The following DPY19L1 variants were observed in gnomAD, a reference collection of about 807,000 sequenced individuals.
The protein encoded by DPY19L1 is dpy-19 like C-mannosyltransferase 1.
In DPY19L1, 35 loss-of-function variants were observed where a neutral mutation model predicts 96.9. That is an observed-to-expected ratio of 0.36 (90% CI 0.28 to 0.48). The LOEUF is 0.48. Ranked by LOEUF, DPY19L1 falls within the 20% of genes least tolerant of loss-of-function variation. The pLI, the probability that DPY19L1 is intolerant of heterozygous loss-of-function variation, is 0.99. For synonymous variants in DPY19L1, 205 were observed against 252.6 expected (o/e 0.81, Z 1.79); for missense variants, 521 against 777.9 (o/e 0.67, Z 3.93).
At position 34,938,086 on chromosome 7, in the gene DPY19L1, A is replaced by C; in HGVS notation, c.1998T>G (p.Ser666Arg). The C allele has an allele frequency of 6.2e-7, 1 of 1,613,894 alleles. No individual in the cohort carries two copies. The highest frequency in any genetic ancestry group is 8.5e-7 in the Non-Finnish European group (1 of 1,179,966). The change falls in exon 21 of 22, where the codon AGT (serine) becomes AGG (arginine). Residue 666 changes from serine to arginine, a missense_variant. Transcript: ENST00000638088. Reference protein sequence around the residue: ...ARTKIVYSMYSRKAAEEVKRE... With the variant: ...ARTKIVYSMYRRKAAEEVKRE... ...GCTTCACTTCTTCGGCTGCTTTCCGACTATACATTGAGTATACTATTTTTG... is the reference window on the plus strand; with the variant it reads ...GCTTCACTTCTTCGGCTGCTTTCCGCCTATACATTGAGTATACTATTTTTG...
chr7:35,027,660 G>A (rs1169783489), intron 1 of DPY19L1, among the ~76,000 whole-genome samples: 3 of 53,098 alleles, frequency 5.6e-5, no homozygotes, highest in East Asian at 4.3e-4. Flanking sequence ...GCAAAACCCC[G>A]TCTCTACTAA....
intron 6 of DPY19L1, among the ~76,000 whole-genome samples, chr7:35,007,051 A>C (rs1488652020): frequency 6.6e-6 from 1 of 152,146 alleles, no homozygotes; most frequent in Non-Finnish European, 1.5e-5. Context: ...CCTTTCATAA[A>C]ATTACAAGGG....
chr7:34,967,055 T>G (rs991952791), intron 9 of DPY19L1, 84 bp from the exon 10 acceptor site: 32 of 1,030,992 alleles, frequency 3.1e-5, no homozygotes, highest in African/African-American at 2.4e-4. Context: ...TTGTTTCAAC[T>G]GATTTATATC....
rs190284650 is a variant in DPY19L1, at chr7:35,009,501, G to A, written c.764+967C>T. ...GCTGCTCAACTGTAAAGTAAATCAG[G>A]TCAGATACTAAATATTGTACAGAAG... is the stretch of plus-strand genomic sequence containing the variant. On this transcript the variant is annotated intron_variant, in intron 6 of 21. Coordinates refer to ENST00000638088, the MANE Select transcript of DPY19L1 (RefSeq NM_001366673.1). Among the ~76,000 whole-genome samples, 739 of 152,212 alleles carry A rather than the reference G, an allele frequency of 4.9e-3. 3 individuals carry two copies. Among genetic ancestry groups the A allele is most frequent in the African/African-American group, 0.017 (692 of 41,522 alleles).
At chr7:35,032,918 T>C (rs1786295295) in intron 1 of DPY19L1, among the ~76,000 whole-genome samples, 1 of 152,170 alleles carries the variant, frequency 6.6e-6, no homozygotes, top group African/African-American at 2.4e-5. Flanking sequence ...ACCGCCTTCA[T>C]CTAGGCCAGC....
chr7:34,934,512 C>T (rs1383510326), intron 21 of DPY19L1, among the ~76,000 whole-genome samples: 1 of 152,150 alleles, frequency 6.6e-6, no homozygotes, highest in Non-Finnish European at 1.5e-5. Flanking sequence ...AGCAATGCAG[C>T]TACAAACAGT....
intron 11 of DPY19L1, among the ~76,000 whole-genome samples, chr7:34,955,770 A>T (rs1784365776): frequency 6.6e-6 from 1 of 152,224 alleles, no homozygotes; most frequent in Non-Finnish European, 1.5e-5. Flanking sequence ...TAATGGATCA[A>T]CTAAATACTT....
intron 8 of DPY19L1, among the ~76,000 whole-genome samples, chr7:34,970,195 A>G (rs1401807929): frequency 6.6e-6 from 1 of 152,188 alleles, no homozygotes; most frequent in Non-Finnish European, 1.5e-5. Context: ...TGGAGTGTGC[A>G]TGTTGATATA....
intron 13 of DPY19L1, among the ~76,000 whole-genome samples, chr7:34,953,629 C>T (rs1436859396): frequency 6.6e-6 from 1 of 152,054 alleles, no homozygotes; most frequent in Non-Finnish European, 1.5e-5. Flanking sequence ...TCCTATTTTC[C>T]GAATTTTCCG....
At chr7:34,947,834 T>A (rs1350867639) in intron 14 of DPY19L1, 133 bp from the exon 15 acceptor site, 4 of 687,562 alleles carry the variant, frequency 5.8e-6, no homozygotes, top group Non-Finnish European at 9.8e-6. Context: ...CTGACTGCCA[T>A]CATAAAAAGG....
intron 15 of DPY19L1, among the ~76,000 whole-genome samples, chr7:34,946,267 C>G (rs904523197): frequency 6.6e-6 from 1 of 152,168 alleles, no homozygotes; most frequent in Non-Finnish European, 1.5e-5. Flanking sequence ...TGTAATCCAG[C>G]CCTTAGAATC....
chr7:34,939,685 AG>A (rs1306879151), intron 19 of DPY19L1, among the ~76,000 whole-genome samples: 10 of 152,244 alleles, frequency 6.6e-5, no homozygotes, highest in African/African-American at 2.4e-4. Flanking sequence ...CAAATGGACT[AG>A]GAAAGCTTTA....
intron 13 of DPY19L1, among the ~76,000 whole-genome samples, chr7:34,952,051 T>TTGA (rs57045398): frequency 0.46 from 65,887 of 143,596 alleles, 15,799 homozygotes; most frequent in Admixed American, 0.61. Context: ...ATGGTTAACA[T>TTGA]TGAATTACTA....
chr7:34,969,888 C>A (rs1446058800), intron 8 of DPY19L1, among the ~76,000 whole-genome samples: 3 of 152,156 alleles, frequency 2.0e-5, no homozygotes, highest in African/African-American at 7.2e-5. Flanking sequence ...ATGATAGCAG[C>A]ATATTCTAAG....
chr7:34,946,572 T>C (rs1784150276), intron 15 of DPY19L1, among the ~76,000 whole-genome samples: 1 of 152,208 alleles, frequency 6.6e-6, no homozygotes, highest in Non-Finnish European at 1.5e-5. Flanking sequence ...GAGTACCCAC[T>C]AGGTGCAAAC....
chr7:35,023,833 C>CTTTTTTTTTTTTT (rs755619806), intron 1 of DPY19L1, among the ~76,000 whole-genome samples: 22 of 111,812 alleles, frequency 2.0e-4, no homozygotes, highest in African/African-American at 4.7e-4. Context: ...CTTTTCTTTT[C>CTTTTTTTTTTTTT]TTTTTTTTTT....
intron 1 of DPY19L1, among the ~76,000 whole-genome samples, chr7:35,034,758 C>A (rs139339168): frequency 3.1e-4 from 47 of 152,250 alleles, no homozygotes; most frequent in African/African-American, 9.1e-4. Context: ...GAAATGAATC[C>A]ATTTCTGTCT....
rs892855902 is a variant in DPY19L1, at chr7:34,947,503, T to C, written c.1494+127A>G. ...ATCAAAAGCTATCATTAAGAAAACA[T>C]AGAATATGTTACAGTAAGCCCATAC... On this transcript the variant is annotated intron_variant, in intron 15 of 21. Coordinates refer to ENST00000638088, the MANE Select transcript of DPY19L1 (RefSeq NM_001366673.1). 1.0e-5 allele frequency: 7 copies of C among 674,096 alleles called. No homozygotes were observed. The Admixed American group carries it at 1.7e-4, about 16-fold the overall frequency. The allele number at this position is 674,096 out of a possible 1,614,324, so 41.8% of individuals were successfully genotyped here.
At chr7:34,963,280 C>T (rs180875064) in intron 10 of DPY19L1, among the ~76,000 whole-genome samples, 8 of 151,450 alleles carry the variant, frequency 5.3e-5, no homozygotes, top group Admixed American at 3.3e-4. Flanking sequence ...ACAAAAACCA[C>T]GGTGAGATAT....
Sources: allele counts gnomAD v4.1 joint callset (sites outside exome capture counted in the v4.1 genomes callset), GRCh38; gene constraint gnomAD v4.1.1; transcripts MANE v1.5; gene names NCBI Gene and HGNC (gene_info 2026-07-23, HGNC 2026-07-21).